The following HS3ST4 variants were observed in gnomAD, a reference collection of about 807,000 sequenced individuals.
The protein encoded by HS3ST4 is heparan sulfate-glucosamine 3-sulfotransferase 4, also known as heparan sulfate glucosamine 3-O-sulfotransferase 4.
A neutral mutation model predicts 29.2 loss-of-function variants in HS3ST4; 17 were observed. The ratio of observed to expected loss-of-function variants is 0.58; its 90% CI spans 0.40 to 0.87. The LOEUF (loss-of-function observed/expected upper bound fraction) is 0.87. HS3ST4 is among the 40% of genes least tolerant of loss of function. HS3ST4 has a pLI of 0.00. For missense variants in HS3ST4, 627 were observed against 634.5 expected, an observed-to-expected ratio of 0.99 and a Z score of 0.13; for synonymous variants, 314 against 285.7, an observed-to-expected ratio of 1.10 and a Z score of -1.00.
rs747756521 is a variant in HS3ST4, at chr16:26,135,868, A to G, written c.991A>G (p.Ile331Val). ...LGLIDASWSAIRIGIYALHLE... is the reference protein window; with the variant it reads ...LGLIDASWSAVRIGIYALHLE... ...GCTGATCGATGCTTCCTGGAGTGCC[A>G]TTCGAATAGGGATCTATGCGCTGCA... The change falls in exon 2 of 2, where the codon ATT (isoleucine) becomes GTT (valine). Residue 331 changes from isoleucine (I) to valine (V), a missense_variant. Around this residue, in one of 2 missense-constraint regions of HS3ST4, gnomAD observed 225 missense variants for 293.7 expected, o/e 0.77. Coordinates refer to ENST00000331351, the MANE Select transcript of HS3ST4 (RefSeq NM_006040.3). 1.2e-6 allele frequency: 2 copies of G among 1,613,976 alleles called. No individual in the cohort carries two copies. The highest frequency in any genetic ancestry group is 1.7e-5 in the Admixed American group (1 of 60,024).
intron 1 of HS3ST4, among the ~76,000 whole-genome samples, chr16:25,857,925 T>TTTCTTTCTTTCTTTCA (rs1380461094): frequency 4.0e-4 from 19 of 47,408 alleles, no homozygotes; most frequent in Admixed American, 2.7e-3. Context: ...CCTTCCTTTC[T>TTTCTTTCTTTCTTTCA]TTCTTTCTTT....
intron 1 of HS3ST4, among the ~76,000 whole-genome samples, chr16:25,720,636 G>A (rs1428688482): frequency 6.6e-6 from 1 of 152,112 alleles, no homozygotes; most frequent in Non-Finnish European, 1.5e-5. Flanking sequence ...TGTGCAAGCC[G>A]GGGTCACTAA....
At chr16:26,039,036 G>T (rs1327925299) in intron 1 of HS3ST4, among the ~76,000 whole-genome samples, 1 of 152,046 alleles carries the variant, frequency 6.6e-6, no homozygotes, top group Non-Finnish European at 1.5e-5. Flanking sequence ...TGACATCAGA[G>T]ATAAGGCAAC....
chr16:25,744,155 A>T (rs376896646), intron 1 of HS3ST4, among the ~76,000 whole-genome samples: 2 of 152,218 alleles, frequency 1.3e-5, no homozygotes, highest in Non-Finnish European at 2.9e-5. Flanking sequence ...GTCTACCTTT[A>T]TTAATGTAAC....
chr16:25,693,850 C>G (rs1966274610), intron 1 of HS3ST4, among the ~76,000 whole-genome samples: 1 of 152,228 alleles, frequency 6.6e-6, no homozygotes, highest in African/African-American at 2.4e-5. Context: ...TCTCCGCCTC[C>G]TTCGCAACAG....
At chr16:26,110,871 C>T (rs557893750) in intron 1 of HS3ST4, among the ~76,000 whole-genome samples, 10 of 152,210 alleles carry the variant, frequency 6.6e-5, no homozygotes, top group African/African-American at 2.2e-4. Context: ...TGTCTGCGTG[C>T]ACAACACTAA....
At chr16:25,850,022 G>A (rs1359702399) in intron 1 of HS3ST4, among the ~76,000 whole-genome samples, 2 of 136,272 alleles carry the variant, frequency 1.5e-5, no homozygotes, top group African/African-American at 2.7e-5. Flanking sequence ...TTTTTGAGAC[G>A]GAGTTTTGCT....
intron 1 of HS3ST4, among the ~76,000 whole-genome samples, chr16:25,924,265 T>A (rs1242282861): frequency 6.6e-6 from 1 of 152,192 alleles, no homozygotes; most frequent in South Asian, 2.1e-4. Context: ...CCCTTAAATA[T>A]CTCTTTAATC....
At chr16:25,722,826 A>G (rs1216374222) in intron 1 of HS3ST4, among the ~76,000 whole-genome samples, 3 of 152,194 alleles carry the variant, frequency 2.0e-5, no homozygotes, top group African/African-American at 7.2e-5. Context: ...GGGTAGTTGT[A>G]AGGATTACAT....
At chr16:25,773,061 A>G (rs1966844317) in intron 1 of HS3ST4, among the ~76,000 whole-genome samples, 1 of 152,220 alleles carries the variant, frequency 6.6e-6, no homozygotes, top group South Asian at 2.1e-4. Flanking sequence ...ACAACCATAC[A>G]TAGCGATACA....
chr16:25,972,489 G>A (rs567144893), intron 1 of HS3ST4, among the ~76,000 whole-genome samples: 16 of 152,316 alleles, frequency 1.1e-4, no homozygotes, highest in African/African-American at 3.8e-4. Context: ...CTTGTGGGTT[G>A]TTGGACTAAG....
At chr16:25,908,263 G>C (rs1968198914) in intron 1 of HS3ST4, among the ~76,000 whole-genome samples, 1 of 152,214 alleles carries the variant, frequency 6.6e-6, no homozygotes, top group South Asian at 2.1e-4. Context: ...CAAAATCATG[G>C]AGTGATGTAT....
At chr16:25,825,859 G>T (rs1478801741) in intron 1 of HS3ST4, 1 of 152,228 alleles carries the variant, frequency 6.6e-6, no homozygotes, top group Admixed American at 6.5e-5. Flanking sequence ...TGTTTTAGAT[G>T]AACCGCTGAA....
At chr16:26,104,221 G>C (rs972968433) in intron 1 of HS3ST4, among the ~76,000 whole-genome samples, 13 of 152,112 alleles carry the variant, frequency 8.5e-5, no homozygotes, top group African/African-American at 2.9e-4. Flanking sequence ...AGTCAACCTA[G>C]CTAAGTCTGT....
chr16:25,823,408 C>T (rs1473513566), intron 1 of HS3ST4, among the ~76,000 whole-genome samples: 2 of 152,254 alleles, frequency 1.3e-5, no homozygotes, highest in East Asian at 1.9e-4. Context: ...GAGGAAGCAC[C>T]CCCAGGTAAA....
chr16:26,046,817 A>C (rs1481848629), intron 1 of HS3ST4, among the ~76,000 whole-genome samples: 1 of 152,122 alleles, frequency 6.6e-6, no homozygotes, highest in African/African-American at 2.4e-5. Context: ...TTTAATCTGC[A>C]CAGTAACCCT....
chr16:25,709,571 G>C (rs1966402450), intron 1 of HS3ST4, among the ~76,000 whole-genome samples: 1 of 152,126 alleles, frequency 6.6e-6, no homozygotes, highest in Non-Finnish European at 1.5e-5. Context: ...CATGGAGATA[G>C]AGGACCTAGG....
intron 1 of HS3ST4, among the ~76,000 whole-genome samples, chr16:25,870,022 T>C (rs1567260269): frequency 6.6e-6 from 1 of 152,126 alleles, no homozygotes; most frequent in Non-Finnish European, 1.5e-5. Flanking sequence ...CAGGTTGAAG[T>C]CATAGGACAC....
chr16:25,903,762 A>G (rs1033507102), intron 1 of HS3ST4, among the ~76,000 whole-genome samples: 1 of 151,384 alleles, frequency 6.6e-6, no homozygotes, highest in African/African-American at 2.5e-5. Context: ...GATGTCTAGA[A>G]CTGCTTCCAT....
Sources: allele counts gnomAD v4.1 joint callset (sites outside exome capture counted in the v4.1 genomes callset), GRCh38; gene constraint gnomAD v4.1.1; regional missense constraint gnomAD v4.1.1; transcripts MANE v1.5; gene names NCBI Gene and HGNC (gene_info 2026-07-23, HGNC 2026-07-21).